ROS1: variants seen among roughly 807,000 people sequenced by gnomAD.
ROS1 encodes the protein proto-oncogene tyrosine-protein kinase ROS.
Under a neutral mutation model 273.5 loss-of-function variants are expected in ROS1, and 263 were observed. The observed-to-expected ratio is 0.96, with a 90% confidence interval of 0.87 to 1.06. The LOEUF (loss-of-function observed/expected upper bound fraction) is 1.06. Ranked by LOEUF, ROS1 falls within the 50% of genes least tolerant of loss-of-function variation. The pLI, the probability that ROS1 is intolerant of heterozygous loss-of-function variation, is 0.00. For missense variants in ROS1, 2,833 were observed against 2,751.1 expected (o/e 1.03, Z -0.67); for synonymous variants, 1,008 against 954.1 (o/e 1.06, Z -1.04).
At chr6:117,373,141 A>G (rs994882605) in intron 18 of ROS1, among the ~76,000 whole-genome samples, 3 of 152,218 alleles carry the variant, frequency 2.0e-5, no homozygotes, top group Non-Finnish European at 4.4e-5. Context: ...CTAGACACAG[A>G]GTGCTGATTG....
chr6:117,400,865 T>C (rs923071052), intron 7 of ROS1, among the ~76,000 whole-genome samples: 4 of 152,240 alleles, frequency 2.6e-5, no homozygotes, highest in African/African-American at 9.6e-5. Context: ...AATTGGTAGT[T>C]TGGATACCTT....
intron 43 of ROS1, 139 bp from the exon 44 acceptor site, chr6:117,288,941 G>A: frequency 1.4e-6 from 1 of 714,154 alleles, no homozygotes. Flanking sequence ...CTAAGTGTTG[G>A]GAATACAAAG....
At chr6:117,382,185 C>A (rs929891931) in intron 17 of ROS1, among the ~76,000 whole-genome samples, 2 of 152,022 alleles carry the variant, frequency 1.3e-5, no homozygotes, top group African/African-American at 2.4e-5. Context: ...CAAGTGACTC[C>A]AAAATAGAAT....
intron 18 of ROS1, among the ~76,000 whole-genome samples, chr6:117,369,953 G>A (rs1780625382): frequency 6.6e-6 from 1 of 151,946 alleles, no homozygotes; most frequent in Non-Finnish European, 1.5e-5. Context: ...ATATGTACAT[G>A]CATATACACA....
intron 29 of ROS1, 56 bp downstream of exon 29, chr6:117,342,340 TACAC>T: frequency 6.9e-7 from 1 of 1,453,676 alleles, no homozygotes; most frequent in South Asian, 1.3e-5. Context: ...AACATCAACA[TACAC>T]AGCACATATA....
At position 117,341,380 on chromosome 6, in the gene ROS1, G is replaced by C; in HGVS notation, c.4884+20C>G. The C allele has an allele frequency of 6.2e-7, 1 of 1,610,492 alleles. No homozygotes were observed. The highest frequency in any genetic ancestry group is 1.7e-5 in the Admixed American group (1 of 59,962). Reference sequence around the variant, plus strand: ...GCACTTGAGAATGACAATAAAGAGTGCCTAGTAAACTCACTGTACCTTTAA... The same window carrying C: ...GCACTTGAGAATGACAATAAAGAGTCCCTAGTAAACTCACTGTACCTTTAA... On this transcript the variant is annotated intron_variant, in intron 30 of 43. Coordinates refer to ENST00000368507, the MANE Select transcript of ROS1 (RefSeq NM_001378902.1).
Position 117,399,669 on chromosome 6 carries a change from C to T in ROS1, c.605-2553G>A, listed in dbSNP as rs192008338. ...GTGAGGGCACCAGACAACTCTCCCT[C>T]GGTGTCTGCCCCAGCATTCGCCTTC... On this transcript the variant is annotated intron_variant, in intron 7 of 43. Coordinates refer to ENST00000368507, the MANE Select transcript of ROS1 (RefSeq NM_001378902.1). Among the ~76,000 whole-genome samples, 11 of 152,356 alleles carry T rather than the reference C, an allele frequency of 7.2e-5. No individual in the cohort carries two copies. In the East Asian group the frequency reaches 1.7e-3, roughly 24 times the overall value.
chr6:117,334,916 A>G (rs1777355824), intron 32 of ROS1, among the ~76,000 whole-genome samples: 1 of 152,222 alleles, frequency 6.6e-6, no homozygotes, highest in Non-Finnish European at 1.5e-5. Context: ...AATACCATTC[A>G]GGACATAGGC....
intron 17 of ROS1, among the ~76,000 whole-genome samples, chr6:117,381,581 T>G (rs993996066): frequency 1.3e-5 from 2 of 152,156 alleles, no homozygotes; most frequent in East Asian, 1.9e-4. Flanking sequence ...CCTCCTTTTT[T>G]TTATGGCTGA....
At chr6:117,340,908 A>C (rs2128621030) in intron 31 of ROS1, among the ~76,000 whole-genome samples, 1 of 152,236 alleles carries the variant, frequency 6.6e-6, no homozygotes, top group African/African-American at 2.4e-5. Flanking sequence ...GTACACTATA[A>C]CTTATACCCT....
At chr6:117,378,836 C>T (rs1432432376) in intron 18 of ROS1, among the ~76,000 whole-genome samples, 2 of 152,128 alleles carry the variant, frequency 1.3e-5, no homozygotes, top group Non-Finnish European at 2.9e-5. Context: ...GCAGCATTCT[C>T]CTGAGTGTCT....
chr6:117,383,075 T>A (rs1772279770), intron 17 of ROS1, among the ~76,000 whole-genome samples: 1 of 151,826 alleles, frequency 6.6e-6, no homozygotes, highest in Non-Finnish European at 1.5e-5. Context: ...ACAAAAAAAA[T>A]CTCCATAGTG....
chr6:117,295,337 T>G (rs1562244547), intron 43 of ROS1, among the ~76,000 whole-genome samples: 1 of 152,004 alleles, frequency 6.6e-6, no homozygotes, highest in Admixed American at 6.6e-5. Context: ...AAAAATCAAA[T>G]AAAAATGGAT....
intron 27 of ROS1, 58 bp from the exon 28 acceptor site, chr6:117,344,320 G>T: frequency 8.4e-7 from 1 of 1,195,682 alleles, no homozygotes; most frequent in Non-Finnish European, 1.2e-6. Context: ...GAGAGGAAAA[G>T]CAGATTTTTA....
chr6:117,327,631 CTT>C (rs1451937335), intron 33 of ROS1, among the ~76,000 whole-genome samples: 1 of 152,118 alleles, frequency 6.6e-6, no homozygotes, highest in African/African-American at 2.4e-5. Context: ...GATGAGGAAA[CTT>C]AAGTTCAAAA....
At chr6:117,314,224 T>C (rs1207523938) in intron 39 of ROS1, among the ~76,000 whole-genome samples, 6 of 152,112 alleles carry the variant, frequency 3.9e-5, no homozygotes, top group Non-Finnish European at 8.8e-5. Flanking sequence ...CATGGCAGTA[T>C]AGTGAAAATT....
At chr6:117,352,915 G>A in intron 27 of ROS1, 75 bp downstream of exon 27, 1 of 1,361,018 alleles carries the variant, frequency 7.3e-7, no homozygotes, top group Non-Finnish European at 1.0e-6. Flanking sequence ...GGACAGCCTT[G>A]GAGAAGGAGA....
At chr6:117,293,033 T>G (rs1240432328) in intron 43 of ROS1, among the ~76,000 whole-genome samples, 1 of 152,204 alleles carries the variant, frequency 6.6e-6, no homozygotes, top group Non-Finnish European at 1.5e-5. Context: ...TTCCCTGCCT[T>G]TCTACATGCT....
intron 32 of ROS1, among the ~76,000 whole-genome samples, chr6:117,334,843 A>C (rs1777348896): frequency 6.6e-6 from 1 of 152,230 alleles, no homozygotes; most frequent in Non-Finnish European, 1.5e-5. Flanking sequence ...ATTTAACTCA[A>C]GATGGATTAA....
Sources: gnomAD v4.1 joint callset for allele counts (sites outside exome capture counted in the v4.1 genomes callset) on GRCh38, gnomAD v4.1.1 for gene constraint, MANE v1.5 for transcripts, NCBI Gene and HGNC (gene_info 2026-07-23, HGNC 2026-07-21) for gene names.